FBXL17: variants seen among roughly 807,000 people sequenced by gnomAD.
The protein encoded by FBXL17 is F-box/LRR-repeat protein 17.
A neutral mutation model predicts 66.2 loss-of-function variants in FBXL17; 22 were observed. The observed-to-expected ratio is 0.33, with a 90% CI of 0.24 to 0.47. The LOEUF (loss-of-function observed/expected upper bound fraction) is 0.47, where lower values mean the gene tolerates loss of function less well. FBXL17 is among the 20% of genes least tolerant of loss of function. The pLI is 1.00. For missense variants in FBXL17, 878 were observed against 948.2 expected, an observed-to-expected ratio of 0.93 and a Z score of 0.97; for synonymous variants, 474 against 400.5, an observed-to-expected ratio of 1.18 and a Z score of -2.19.
intron 3 of FBXL17, 29 bp from the exon 4 acceptor site, chr5:108,348,559 T>G (rs772403151): frequency 6.3e-7 from 1 of 1,585,772 alleles, no homozygotes; most frequent in Non-Finnish European, 8.6e-7. Context: ...AGCTGAATGC[T>G]CAAAAAATAA....
At chr5:108,361,423 C>A (rs185659135) in intron 3 of FBXL17, among the ~76,000 whole-genome samples, 32 of 152,204 alleles carry the variant, frequency 2.1e-4, no homozygotes, top group African/African-American at 7.7e-4. Flanking sequence ...ATACCATTCA[C>A]AACTCTGCCT....
intron 8 of FBXL17, among the ~76,000 whole-genome samples, chr5:107,876,346 T>A (rs577264195): frequency 1.3e-5 from 2 of 152,202 alleles, no homozygotes; most frequent in Non-Finnish European, 2.9e-5. Context: ...ATAAAATTAG[T>A]TCTGCATGAA....
chr5:107,971,130 T>A (rs1752356043), intron 7 of FBXL17, among the ~76,000 whole-genome samples: 1 of 152,182 alleles, frequency 6.6e-6, no homozygotes, highest in South Asian at 2.1e-4. Context: ...CAAATTACAT[T>A]TGCTTACCGT....
chr5:108,373,347 T>G (rs375789020), intron 1 of FBXL17, among the ~76,000 whole-genome samples: 1 of 111,464 alleles, frequency 9.0e-6, no homozygotes, highest in Non-Finnish European at 1.8e-5. Flanking sequence ...CTAAATATAA[T>G]ATATCTAAAT....
chr5:108,241,491 C>T (rs1020968633), intron 4 of FBXL17, among the ~76,000 whole-genome samples: 4 of 151,824 alleles, frequency 2.6e-5, no homozygotes, highest in African/African-American at 9.7e-5. Context: ...AGAATGCCTA[C>T]AAGATCTAGA....
chr5:108,052,461 G>T (rs971244958), intron 6 of FBXL17, among the ~76,000 whole-genome samples: 2 of 152,190 alleles, frequency 1.3e-5, no homozygotes, highest in Admixed American at 6.5e-5. Context: ...GCAACAAAGA[G>T]AATCAAATAC....
At chr5:108,289,931 G>A (rs1334890416) in intron 4 of FBXL17, among the ~76,000 whole-genome samples, 2 of 152,106 alleles carry the variant, frequency 1.3e-5, no homozygotes, top group African/African-American at 2.4e-5. Flanking sequence ...AAGTCTTTGT[G>A]CAAGTGTATT....
intron 7 of FBXL17, among the ~76,000 whole-genome samples, chr5:107,945,100 G>T (rs1421406666): frequency 6.6e-6 from 1 of 151,928 alleles, no homozygotes; most frequent in Non-Finnish European, 1.5e-5. Flanking sequence ...ATAAAAAAAA[G>T]ATATGAATGG....
chr5:107,911,147 CATT>C (rs1299309073), intron 7 of FBXL17, among the ~76,000 whole-genome samples: 1 of 152,038 alleles, frequency 6.6e-6, no homozygotes, highest in Non-Finnish European at 1.5e-5. Context: ...GATACACAGT[CATT>C]ATGTAAGTTG....
At chr5:108,065,472 A>C (rs1748082581) in intron 6 of FBXL17, among the ~76,000 whole-genome samples, 1 of 152,214 alleles carries the variant, frequency 6.6e-6, no homozygotes, top group Non-Finnish European at 1.5e-5. Flanking sequence ...TTGGATTCAC[A>C]ATCACAACGT....
At chr5:108,000,296 C>T (rs773766012) in intron 7 of FBXL17, among the ~76,000 whole-genome samples, 3 of 152,182 alleles carry the variant, frequency 2.0e-5, no homozygotes, top group Non-Finnish European at 4.4e-5. Flanking sequence ...ACTGCTAAGG[C>T]TTCACCAGGC....
chr5:107,920,386 G>A (rs1750273295), intron 7 of FBXL17, among the ~76,000 whole-genome samples: 1 of 152,068 alleles, frequency 6.6e-6, no homozygotes, highest in Non-Finnish European at 1.5e-5. Flanking sequence ...TGTATTTTTA[G>A]CAGTGATGGA....
chr5:108,275,515 T>C (rs1004219709), intron 4 of FBXL17, among the ~76,000 whole-genome samples: 1 of 152,190 alleles, frequency 6.6e-6, no homozygotes, highest in South Asian at 2.1e-4. Flanking sequence ...TGCCACTAAA[T>C]AGGTCAAATG....
intron 7 of FBXL17, among the ~76,000 whole-genome samples, chr5:107,981,659 C>G (rs997848841): frequency 6.6e-6 from 1 of 152,224 alleles, no homozygotes; most frequent in African/African-American, 2.4e-5. Context: ...TCTCAGTTGG[C>G]TTTCGCAGTT....
intron 6 of FBXL17, among the ~76,000 whole-genome samples, chr5:108,049,757 T>C (rs993814356): frequency 6.6e-6 from 1 of 152,126 alleles, no homozygotes; most frequent in African/African-American, 2.4e-5. Context: ...TAAATGTAAA[T>C]GGGCTAAATG....
chr5:108,376,513 C>T (rs2112641663), intron 1 of FBXL17, among the ~76,000 whole-genome samples: 1 of 152,272 alleles, frequency 6.6e-6, no homozygotes, highest in Non-Finnish European at 1.5e-5. Flanking sequence ...ACTTTTTTTA[C>T]AGCTCTCATT....
At chr5:108,350,121 G>A (rs1346985005) in intron 3 of FBXL17, among the ~76,000 whole-genome samples, 1 of 152,120 alleles carries the variant, frequency 6.6e-6, no homozygotes, top group Admixed American at 6.6e-5. Context: ...CCAACAGTGG[G>A]AAAAGCAAAG....
intron 6 of FBXL17, among the ~76,000 whole-genome samples, chr5:108,127,214 G>C (rs1031188786): frequency 3.3e-5 from 5 of 152,176 alleles, no homozygotes; most frequent in African/African-American, 1.2e-4. Flanking sequence ...TGTCTTTGTA[G>C]AAGTGCTTTC....
At chr5:108,057,643 A>G (rs1331450162) in intron 6 of FBXL17, among the ~76,000 whole-genome samples, 2 of 152,204 alleles carry the variant, frequency 1.3e-5, no homozygotes, top group Non-Finnish European at 2.9e-5. Flanking sequence ...AAGAACTTGT[A>G]TACAAATGTT....
Sources: gnomAD v4.1 joint callset for allele counts (sites outside exome capture counted in the v4.1 genomes callset) on GRCh38, gnomAD v4.1.1 for gene constraint, MANE v1.5 for transcripts, NCBI Gene and HGNC (gene_info 2026-07-23, HGNC 2026-07-21) for gene names.